Variants in VWC2 observed in about 807,000 individuals in gnomAD.
VWC2 encodes von Willebrand factor C domain containing 2.
VWC2 carries 14 observed loss-of-function variants against 29.8 expected under a neutral mutation model. The observed-to-expected ratio is 0.47, with a 90% confidence interval of 0.31 to 0.74. VWC2 has a LOEUF of 0.74. Ranked by LOEUF, VWC2 falls within the 30% of genes least tolerant of loss-of-function variation. The pLI is 0.05. For missense variants in VWC2, 457 were observed against 459.8 expected (o/e 0.99, Z 0.05); for synonymous variants, 213 against 199.0 (o/e 1.07, Z -0.59).
intron 3 of VWC2, among the ~76,000 whole-genome samples, chr7:49,886,247 G>A (rs940061122): frequency 1.3e-5 from 2 of 152,140 alleles, no homozygotes; most frequent in African/African-American, 4.8e-5. Context: ...TTATCAGTGT[G>A]GCTTTGAATC....
intron 3 of VWC2, among the ~76,000 whole-genome samples, chr7:49,838,796 A>G (rs1789726379): frequency 6.6e-6 from 1 of 152,190 alleles, no homozygotes; most frequent in Non-Finnish European, 1.5e-5. Flanking sequence ...TTACAGTAAC[A>G]CTATGAAATC....
At chr7:49,874,287 T>C (rs540750807) in intron 3 of VWC2, among the ~76,000 whole-genome samples, 1 of 152,386 alleles carries the variant, frequency 6.6e-6, no homozygotes, top group East Asian at 1.9e-4. Flanking sequence ...ATTTTTACTC[T>C]ACCTTTTCTA....
chr7:49,885,944 TC>T (rs1168870796), intron 3 of VWC2, among the ~76,000 whole-genome samples: 4 of 152,218 alleles, frequency 2.6e-5, no homozygotes, highest in Admixed American at 6.5e-5. Context: ...CAGAGGAGTC[TC>T]CCCTCCCTGC....
Position 49,775,498 on chromosome 7 carries a change from C to A in VWC2, c.63C>A (p.Cys21Ter). ...ALSSSLLVTC[C>*]LMVALCSPSI... ...CCAGTTCCCTCCTGGTCACCTGCTG[C>A]CTGATGGTGGCTCTGTGCAGTCCGA... The change falls in exon 2 of 4, where the codon TGC (cysteine) becomes TGA (stop). Residue 21 changes from cysteine to a stop codon, truncating the protein, a stop_gained. Coordinates refer to ENST00000340652, the MANE Select transcript of VWC2 (RefSeq NM_198570.5). LOFTEE classifies it high-confidence loss of function. The A allele has an allele frequency of 6.4e-7, 1 of 1,561,774 alleles. No individual in the cohort carries two copies. Among genetic ancestry groups the A allele is most frequent in the East Asian group, 2.5e-5 (1 of 39,572 alleles).
At chr7:49,885,521 GGATTTTTTC>G in intron 3 of VWC2, among the ~76,000 whole-genome samples, 1 of 152,050 alleles carries the variant, frequency 6.6e-6, no homozygotes. Flanking sequence ...TATATAATTA[GGATTTTTTC>G]TAATAACGTT....
chr7:49,887,157 G>A (rs751728223), intron 3 of VWC2, among the ~76,000 whole-genome samples: 1 of 152,118 alleles, frequency 6.6e-6, no homozygotes, highest in Non-Finnish European at 1.5e-5. Flanking sequence ...GCTTTATCCT[G>A]ATCGATGATG....
rs949380618 is a variant in VWC2, at chr7:49,776,151, C to T, written c.696+20C>T. The T allele has an allele frequency of 1.0e-5, 15 of 1,490,644 alleles. No homozygotes were observed. The highest frequency in any genetic ancestry group is 5.5e-5 in the African/African-American group (4 of 72,236). The allele number at this position is 1,490,644 out of a possible 1,614,324, so 92.3% of individuals were successfully genotyped here. Reference sequence around the variant, plus strand: ...TTCGTGGTAAGATGCGAACGCCCGCCGGGCGACTTTGCACCTTCCAGGAAG... The same window carrying T: ...TTCGTGGTAAGATGCGAACGCCCGCTGGGCGACTTTGCACCTTCCAGGAAG... On this transcript the variant is annotated intron_variant, in intron 2 of 3. Coordinates refer to ENST00000340652, the MANE Select transcript of VWC2 (RefSeq NM_198570.5).
At chr7:49,906,335 A>C (rs1793086676) in intron 3 of VWC2, among the ~76,000 whole-genome samples, 1 of 151,968 alleles carries the variant, frequency 6.6e-6, no homozygotes, top group African/African-American at 2.4e-5. Flanking sequence ...AACTGTCAAA[A>C]ATTTTCTCTT....
chr7:49,774,305 C>G (rs1477687968), intron 1 of VWC2, among the ~76,000 whole-genome samples, 192 bp downstream of exon 1: 2 of 152,124 alleles, frequency 1.3e-5, no homozygotes, highest in Non-Finnish European at 2.9e-5. Flanking sequence ...TCAGCAGGGC[C>G]GGGCACGTCC....
At chr7:49,806,008 A>G (rs1205584949) in intron 3 of VWC2, among the ~76,000 whole-genome samples, 2 of 152,230 alleles carry the variant, frequency 1.3e-5, no homozygotes, top group Non-Finnish European at 2.9e-5. Context: ...ACTTTAATAT[A>G]TTCACTTTGT....
At chr7:49,889,628 T>A (rs1240791767) in intron 3 of VWC2, among the ~76,000 whole-genome samples, 2 of 152,200 alleles carry the variant, frequency 1.3e-5, no homozygotes, top group Admixed American at 6.5e-5. Flanking sequence ...ACAATGGCCA[T>A]CCATGCAGAC....
intron 3 of VWC2, among the ~76,000 whole-genome samples, chr7:49,889,579 G>T (rs749709807): frequency 6.6e-6 from 1 of 152,132 alleles, no homozygotes; most frequent in Admixed American, 6.5e-5. Flanking sequence ...AAAGAGGAGC[G>T]GCTACAGGGT....
intron 3 of VWC2, among the ~76,000 whole-genome samples, chr7:49,829,812 C>G (rs1335150768): frequency 6.6e-6 from 1 of 152,204 alleles, no homozygotes; most frequent in African/African-American, 2.4e-5. Flanking sequence ...ACAACAATTA[C>G]AACAAGAGTC....
intron 3 of VWC2, among the ~76,000 whole-genome samples, chr7:49,868,978 A>C (rs1460019907): frequency 6.6e-6 from 1 of 152,190 alleles, no homozygotes; most frequent in Non-Finnish European, 1.5e-5. Flanking sequence ...ATATATGTAC[A>C]ATTTTCCAGA....
chr7:49,865,091 A>G (rs1489492345), intron 3 of VWC2, among the ~76,000 whole-genome samples: 1 of 152,260 alleles, frequency 6.6e-6, no homozygotes, highest in African/African-American at 2.4e-5. Flanking sequence ...CTTTTCTGTC[A>G]TGTTTTCTTG....
intron 2 of VWC2, among the ~76,000 whole-genome samples, chr7:49,800,425 C>A (rs1788711228): frequency 6.6e-6 from 1 of 152,154 alleles, no homozygotes; most frequent in African/African-American, 2.4e-5. Flanking sequence ...GCTTTTTATT[C>A]CCTCCCTGGT....
intron 3 of VWC2, among the ~76,000 whole-genome samples, chr7:49,847,862 G>A (rs1357821419): frequency 6.6e-6 from 1 of 152,160 alleles, no homozygotes; most frequent in Non-Finnish European, 1.5e-5. Flanking sequence ...ATGGGGATGT[G>A]AGCTCTGATT....
intron 3 of VWC2, among the ~76,000 whole-genome samples, chr7:49,886,891 ACTT>A (rs1219487891): frequency 4.6e-5 from 7 of 151,902 alleles, no homozygotes; most frequent in African/African-American, 1.5e-4. Flanking sequence ...ACCTCGTAAG[ACTT>A]CTTCTACCCT....
At chr7:49,895,342 A>G (rs1052788726) in intron 3 of VWC2, among the ~76,000 whole-genome samples, 6 of 152,182 alleles carry the variant, frequency 3.9e-5, no homozygotes, top group Non-Finnish European at 2.9e-5. Context: ...CACATTGTTG[A>G]TTAAGTTTCA....
Sources: allele counts gnomAD v4.1 joint callset (sites outside exome capture counted in the v4.1 genomes callset), GRCh38; gene constraint gnomAD v4.1.1; transcripts MANE v1.5; gene names NCBI Gene and HGNC (gene_info 2026-07-23, HGNC 2026-07-21).